Variants in CSPP1 observed in about 807,000 individuals in gnomAD.
The protein encoded by CSPP1 is centrosome and spindle pole associated protein 1.
In CSPP1, 126 loss-of-function variants were observed where a neutral mutation model predicts 164.4. The ratio of observed to expected loss-of-function variants is 0.77; its 90% CI spans 0.66 to 0.89. The LOEUF (loss-of-function observed/expected upper bound fraction) is 0.89, where lower values mean the gene tolerates loss of function less well. Ranked by LOEUF, CSPP1 falls within the 40% of genes least tolerant of loss-of-function variation. The pLI is 0.00. For synonymous variants in CSPP1, 472 were observed against 476.7 expected (o/e 0.99, Z 0.13); for missense variants, 1,395 against 1,449.8 (o/e 0.96, Z 0.61).
At chr8:67,099,107 AT>A (rs1212215573) in intron 7 of CSPP1, among the ~76,000 whole-genome samples, 2 of 151,738 alleles carry the variant, frequency 1.3e-5, no homozygotes, top group African/African-American at 2.4e-5. Flanking sequence ...GGAGAAAAAT[AT>A]TTTTTTCATT....
intron 7 of CSPP1, among the ~76,000 whole-genome samples, chr8:67,100,031 T>A (rs1454023714): frequency 6.6e-6 from 1 of 152,122 alleles, no homozygotes; most frequent in Non-Finnish European, 1.5e-5. Flanking sequence ...ATCCCTAAGA[T>A]TTTATTATCT....
chr8:67,083,981 T>G (rs1809858996), intron 3 of CSPP1: 1 of 152,228 alleles, frequency 6.6e-6, no homozygotes, highest in African/African-American at 2.4e-5. Flanking sequence ...GAACATTTTC[T>G]TGGGTTAAAG....
At chr8:67,191,091 C>T (rs1351533002) in intron 29 of CSPP1, among the ~76,000 whole-genome samples, 2 of 152,196 alleles carry the variant, frequency 1.3e-5, no homozygotes, top group African/African-American at 4.8e-5. Flanking sequence ...TTCATAATAA[C>T]CTAATTCTGT....
At chr8:67,068,188 T>A (rs1226364665) in intron 1 of CSPP1, among the ~76,000 whole-genome samples, 1 of 152,196 alleles carries the variant, frequency 6.6e-6, no homozygotes, top group African/African-American at 2.4e-5. Flanking sequence ...TCTGTCATAA[T>A]TTTTATATGC....
intron 15 of CSPP1, among the ~76,000 whole-genome samples, chr8:67,124,243 A>AT (rs916118996): frequency 5.3e-5 from 8 of 151,928 alleles, no homozygotes; most frequent in Non-Finnish European, 1.2e-4. Flanking sequence ...TTCAATTTTG[A>AT]TTTTTTTGTT....
intron 17 of CSPP1, among the ~76,000 whole-genome samples, chr8:67,143,943 A>G (rs1823994288): frequency 6.6e-6 from 1 of 152,040 alleles, no homozygotes; most frequent in South Asian, 2.1e-4. Context: ...ATTTATTTTA[A>G]TTGCCTTTTA....
intron 24 of CSPP1, among the ~76,000 whole-genome samples, chr8:67,166,725 CG>C (rs1829376419): frequency 6.7e-6 from 1 of 149,474 alleles, no homozygotes; most frequent in Admixed American, 6.7e-5. Context: ...TTCAGTTTAA[CG>C]GTTTTTTTTT....
intron 18 of CSPP1, among the ~76,000 whole-genome samples, chr8:67,153,502 A>G (rs182278637): frequency 6.6e-6 from 1 of 152,264 alleles, no homozygotes; most frequent in East Asian, 1.9e-4. Flanking sequence ...ATTAAGATGC[A>G]TTCTAATTTG....
At chr8:67,132,157 C>T (rs1002604685) in intron 16 of CSPP1, 77 bp downstream of exon 16, 3 of 1,371,580 alleles carry the variant, frequency 2.2e-6, no homozygotes, top group Non-Finnish European at 2.9e-6. Flanking sequence ...CAGAGTGTGG[C>T]CGGGGAGGGG....
intron 17 of CSPP1, among the ~76,000 whole-genome samples, chr8:67,146,897 C>A (rs1335527236): frequency 2.0e-5 from 3 of 152,308 alleles, no homozygotes; most frequent in African/African-American, 2.4e-5. Context: ...GACCAAAGTG[C>A]CTTTTTTAAT....
chr8:67,071,581 A>G (rs2129540604), intron 1 of CSPP1, among the ~76,000 whole-genome samples: 1 of 152,322 alleles, frequency 6.6e-6, no homozygotes, highest in Admixed American at 6.5e-5. Context: ...AATTTCCAGT[A>G]GCACATCTTA....
At chr8:67,103,009 A>T (rs745530228) in intron 7 of CSPP1, 28 bp from the exon 8 acceptor site, 1 of 1,382,602 alleles carries the variant, frequency 7.2e-7, no homozygotes, top group South Asian at 1.2e-5. Flanking sequence ...TATGTGGCAC[A>T]TGCTTTATAA....
intron 17 of CSPP1, among the ~76,000 whole-genome samples, chr8:67,139,595 A>G (rs149174098): frequency 0.023 from 3,510 of 152,320 alleles, 148 homozygotes; most frequent in African/African-American, 0.08. Flanking sequence ...AACCAAGCCA[A>G]ATGTCCAACA....
At chr8:67,159,631 C>T (rs1202319165) in intron 21 of CSPP1, among the ~76,000 whole-genome samples, 1 of 144,888 alleles carries the variant, frequency 6.9e-6, no homozygotes, top group Non-Finnish European at 1.5e-5. Flanking sequence ...AAGCAGTTCT[C>T]CTGCCTCAGC....
intron 17 of CSPP1, among the ~76,000 whole-genome samples, chr8:67,140,462 TCA>T (rs1369386318): frequency 6.6e-6 from 1 of 152,214 alleles, no homozygotes; most frequent in African/African-American, 2.4e-5. Context: ...AATAATTTTC[TCA>T]CAGTTTTGAA....
intron 4 of CSPP1, chr8:67,086,904 A>G: frequency 5.4e-6 from 4 of 738,152 alleles, no homozygotes; most frequent in Non-Finnish European, 6.0e-6. Context: ...TTTTTTTTTT[A>G]CGATCTAGAA....
At chr8:67,108,774 T>A (rs1001830142) in intron 9 of CSPP1, among the ~76,000 whole-genome samples, 4 of 152,194 alleles carry the variant, frequency 2.6e-5, no homozygotes, top group Non-Finnish European at 5.9e-5. Context: ...CTTCTTTGTG[T>A]CTGAGGAGGG....
chr8:67,112,979 A>C (rs1817172947), intron 10 of CSPP1, among the ~76,000 whole-genome samples: 2 of 152,204 alleles, frequency 1.3e-5, no homozygotes, highest in Admixed American at 6.5e-5. Context: ...ATTACAGTGG[A>C]TCACGCCTGT....
intron 9 of CSPP1, among the ~76,000 whole-genome samples, chr8:67,108,194 A>T (rs1458692986): frequency 2.0e-5 from 3 of 151,722 alleles, no homozygotes; most frequent in Non-Finnish European, 4.4e-5. Flanking sequence ...CAAGAGTTTG[A>T]GAGCAACCTG....
Sources: gnomAD v4.1 joint callset for allele counts (sites outside exome capture counted in the v4.1 genomes callset) on GRCh38, gnomAD v4.1.1 for gene constraint, MANE v1.5 for transcripts, NCBI Gene and HGNC (gene_info 2026-07-23, HGNC 2026-07-21) for gene names.